Variants in ZNF236 observed in about 807,000 individuals in gnomAD.
The protein encoded by ZNF236 is zinc finger protein 236.
A neutral mutation model predicts 191.2 loss-of-function variants in ZNF236; 50 were observed. The ratio of observed to expected loss-of-function variants is 0.26; its 90% CI spans 0.21 to 0.33. The LOEUF (loss-of-function observed/expected upper bound fraction) is 0.33, where lower values mean the gene tolerates loss of function less well. Among genes scored for constraint, ZNF236 ranks in the 10% least tolerant of loss-of-function variants. The probability of loss-of-function intolerance (pLI) is 1.00; values close to 1 mark genes in which losing one functional copy is unlikely to be tolerated. For missense variants in ZNF236, 1,754 were observed against 2,374.5 expected (o/e 0.74, Z 5.43); for synonymous variants, 907 against 928.8 (o/e 0.98, Z 0.43).
In ZNF236 at chr18:76,910,715, G is replaced by A; in HGVS notation, c.2709G>A (p.Gln903=). The change falls in exon 16 of 31, where the codon CAG becomes CAA. Residue 903 remains glutamine, a synonymous_variant. Transcript: ENST00000320610. ...AGCCTCAGTTTCCACCTGTCCAACA[G>A]CTACAGGATTCCAGCACACTTGAGT... The part of the protein sequence containing the change: ...HQQPQFPPVQ[Q]LQDSSTLESQ... 6.2e-7 allele frequency: 1 copy of A among 1,614,176 alleles called. No homozygotes were observed. Among genetic ancestry groups the A allele is most frequent in the East Asian group, 2.2e-5 (1 of 44,886 alleles).
At chr18:76,878,362 G>A (rs1176655767) in intron 7 of ZNF236, among the ~76,000 whole-genome samples, 2 of 152,072 alleles carry the variant, frequency 1.3e-5, no homozygotes, top group East Asian at 3.8e-4. Context: ...CTGAACCTGT[G>A]AAAATAAGAC....
chr18:76,848,065 C>G (rs1293298518), intron 1 of ZNF236, among the ~76,000 whole-genome samples: 1 of 152,198 alleles, frequency 6.6e-6, no homozygotes, highest in African/African-American at 2.4e-5. Flanking sequence ...GTGCCCCTCC[C>G]ATGTGGGCTT....
rs551815849 is a variant in ZNF236 at position 76,920,053 on chromosome 18, G to C, written c.3552G>C (p.Leu1184=). The change falls in exon 20 of 31, where the codon CTG becomes CTC. Residue 1184 remains leucine, a synonymous_variant. Coordinates refer to ENST00000320610, the MANE Select transcript of ZNF236 (RefSeq NM_001306089.2). ...CPKSFKKPSD[L]VRHVRIHTGE... is the part of the protein sequence containing the mutation. ...AGAGCTTCAAGAAACCTAGCGACCT[G>C]GTGAGGTGAGGGCATGGCTACGCCG... is the stretch of plus-strand genomic sequence containing the variant. The C allele has an allele frequency of 4.2e-5, 68 of 1,611,374 alleles. No individual in the cohort carries two copies. The highest frequency in any genetic ancestry group is 5.6e-5 in the Non-Finnish European group (66 of 1,179,274).
intron 10 of ZNF236, 117 bp downstream of exon 10, chr18:76,895,402 G>C: frequency 7.2e-7 from 1 of 1,386,002 alleles, no homozygotes; most frequent in South Asian, 1.3e-5. Flanking sequence ...CTGCACACAA[G>C]TACTGCTCAC....
chr18:76,926,962 TG>T (rs1967713481), intron 22 of ZNF236, 74 bp from the exon 23 acceptor site: 1 of 1,512,938 alleles, frequency 6.6e-7, no homozygotes, highest in African/African-American at 1.4e-5. Context: ...AAAATCCCTA[TG>T]TAAAAAATGA....
Position 76,913,889 on chromosome 18 carries a change from A to T in ZNF236, c.3052A>T (p.Thr1018Ser), listed in dbSNP as rs1354584775. The T allele has an allele frequency of 6.2e-7, 1 of 1,614,226 alleles. No homozygotes were observed. Among genetic ancestry groups the T allele is most frequent in the African/African-American group, 1.3e-5 (1 of 75,056 alleles). The change falls in exon 18 of 31, where the codon ACA (threonine) becomes TCA (serine). Residue 1018 changes from threonine (T) to serine (S), a missense_variant. Around this residue, in one of 5 missense-constraint regions of ZNF236, gnomAD observed 641 missense variants for 869.6 expected, o/e 0.74. Transcript: ENST00000320610. ...TGGGGTCCTCAAGTCCCACGAGAAG[A>T]CACACACAGGTCACTGTCTGCCTTA... ...SSGVLKSHEK[T>S]HTGVKAFSCS...
intron 20 of ZNF236, among the ~76,000 whole-genome samples, chr18:76,921,737 C>CTTTTTTTTTTTTTTTTTTTTTTTTTTT (rs11380490): frequency 1.0e-5 from 1 of 98,050 alleles, no homozygotes; most frequent in Non-Finnish European, 1.9e-5. Context: ...GTGGGATGTT[C>CTTTTTTTTTTTTTTTTTTTTTTTTTTT]TTTTTTTTTT....
intron 2 of ZNF236, 93 bp downstream of exon 2, chr18:76,849,761 G>C: frequency 8.2e-7 from 1 of 1,216,432 alleles, no homozygotes; most frequent in Non-Finnish European, 1.1e-6. Context: ...TTTAATTTAG[G>C]TTCCTAAATA....
At chr18:76,945,161 A>G (rs1434129519) in intron 26 of ZNF236, among the ~76,000 whole-genome samples, 1 of 152,150 alleles carries the variant, frequency 6.6e-6, no homozygotes. Flanking sequence ...AGAAGTTGTA[A>G]TTTTTCCCTT....
At chr18:76,842,657 A>T (rs1171901563) in intron 1 of ZNF236, among the ~76,000 whole-genome samples, 2 of 152,004 alleles carry the variant, frequency 1.3e-5, no homozygotes, top group African/African-American at 4.8e-5. Flanking sequence ...AGGCTGAGGC[A>T]GGAGAATCGC....
intron 1 of ZNF236, among the ~76,000 whole-genome samples, chr18:76,832,508 T>A (rs1362905350): frequency 6.6e-6 from 1 of 152,158 alleles, no homozygotes; most frequent in Non-Finnish European, 1.5e-5. Flanking sequence ...AATACCATTT[T>A]TGTCTTTTTT....
intron 1 of ZNF236, among the ~76,000 whole-genome samples, chr18:76,826,574 T>C (rs1975025332): frequency 6.7e-6 from 1 of 150,296 alleles, no homozygotes; most frequent in African/African-American, 2.4e-5. Context: ...GCAGATCACT[T>C]GAGGCCAGGA....
intron 1 of ZNF236, among the ~76,000 whole-genome samples, chr18:76,847,925 A>C (rs534769673): frequency 6.6e-6 from 1 of 152,296 alleles, no homozygotes; most frequent in East Asian, 1.9e-4. Context: ...TTCTTAGTAG[A>C]CTCACTTTTT....
chr18:76,919,005 T>C lies in ZNF236; in HGVS notation c.3275-771T>C, dbSNP rs2122799904. ...TATTTTTAAAGTTTTATTTTCTTCT[T>C]TATAGTAATTGTTTTTAGTTGGGGG... On this transcript the variant is annotated intron_variant, in intron 19 of 30. Transcript: ENST00000320610. This position sits in a 1 kb window ranked among gnomAD's most constrained non-coding sequence, Gnocchi z 5.3. Among the ~76,000 whole-genome samples, 1 of 152,354 alleles carries C rather than the reference T, an allele frequency of 6.6e-6. No individual in the cohort carries two copies. Among genetic ancestry groups the C allele is most frequent in the Non-Finnish European group, 1.5e-5 (1 of 68,028 alleles).
At chr18:76,898,997 A>T in intron 10 of ZNF236, 22 bp from the exon 11 acceptor site, 1 of 1,594,476 alleles carries the variant, frequency 6.3e-7, no homozygotes, top group Non-Finnish European at 8.6e-7. Flanking sequence ...ATAATTCTAA[A>T]ATGTGATTTC....
chr18:76,842,258 T>TA (rs1029998228), intron 1 of ZNF236, among the ~76,000 whole-genome samples: 13 of 151,356 alleles, frequency 8.6e-5, no homozygotes, highest in Non-Finnish European at 1.8e-4. Context: ...GTTAATACGT[T>TA]ATCACCATTC....
chr18:76,894,720 G>A (rs1977349560), intron 9 of ZNF236, among the ~76,000 whole-genome samples: 1 of 152,124 alleles, frequency 6.6e-6, no homozygotes, highest in Non-Finnish European at 1.5e-5. Flanking sequence ...GATCCCATCT[G>A]CTTTTGTTCT....
At chr18:76,833,643 A>G (rs927012850) in intron 1 of ZNF236, among the ~76,000 whole-genome samples, 9 of 152,160 alleles carry the variant, frequency 5.9e-5, no homozygotes, top group African/African-American at 1.9e-4. Flanking sequence ...TTGGACTACA[A>G]TTTTATTTTT....
chr18:76,932,765 G>A (rs1050124420), intron 25 of ZNF236, among the ~76,000 whole-genome samples: 1 of 152,204 alleles, frequency 6.6e-6, no homozygotes, highest in Non-Finnish European at 1.5e-5. Flanking sequence ...GTTTCAGTTT[G>A]AGTGGAGTGG....
Sources: allele counts gnomAD v4.1 joint callset (sites outside exome capture counted in the v4.1 genomes callset), GRCh38; gene constraint gnomAD v4.1.1; regional missense constraint gnomAD v4.1.1; non-coding constraint Gnocchi (gnomAD v3.1); transcripts MANE v1.5; gene names NCBI Gene and HGNC (gene_info 2026-07-23, HGNC 2026-07-21).